IL1RAPL1: variants seen among roughly 807,000 people sequenced by gnomAD.
The protein encoded by IL1RAPL1 is interleukin-1 receptor accessory protein-like 1.
IL1RAPL1 carries 3 observed loss-of-function variants against 48.4 expected under a neutral mutation model. That is an observed-to-expected ratio of 0.06 (90% CI 0.03 to 0.16). The LOEUF is 0.16. Among genes scored for constraint, IL1RAPL1 ranks in the 10% least tolerant of loss-of-function variants. IL1RAPL1 has a pLI of 1.00. For synonymous variants in IL1RAPL1, 185 were observed against 187.7 expected, an observed-to-expected ratio of 0.99 and a Z score of 0.12; for missense variants, 349 against 530.6, an observed-to-expected ratio of 0.66 and a Z score of 3.36.
At chrX:29,402,704 G>A (rs900841322) in intron 5 of IL1RAPL1, among the ~76,000 whole-genome samples, 17 of 111,184 alleles carry the variant, frequency 1.5e-4, no homozygotes, top group African/African-American at 5.6e-4. Flanking sequence ...CCTTGTTTCT[G>A]TTCCAGGATC....
chrX:28,614,988 A>ATG (rs1934195432), intron 1 of IL1RAPL1, among the ~76,000 whole-genome samples: 1 of 109,768 alleles, frequency 9.1e-6, no homozygotes, highest in Non-Finnish European at 1.9e-5. Flanking sequence ...TCCCGGCTTC[A>ATG]CTCCATTCTT....
At chrX:28,938,731 T>A (rs766165844) in intron 2 of IL1RAPL1, among the ~76,000 whole-genome samples, 18 of 110,675 alleles carry the variant, frequency 1.6e-4, no homozygotes, top group Non-Finnish European at 2.8e-4. Flanking sequence ...ATCAACAGAG[T>A]AAACAGACAG....
chrX:29,814,864 G>A (rs1930459870), intron 6 of IL1RAPL1, among the ~76,000 whole-genome samples: 1 of 110,859 alleles, frequency 9.0e-6, no homozygotes. Flanking sequence ...TAATTTTGTC[G>A]ACTTTGTTGA....
At chrX:29,475,419 T>C (rs1194367574) in intron 5 of IL1RAPL1, among the ~76,000 whole-genome samples, 3 of 112,081 alleles carry the variant, frequency 2.7e-5, no homozygotes, top group Non-Finnish European at 5.6e-5. Context: ...AATGAAAATT[T>C]CACCTCTGCA....
intron 6 of IL1RAPL1, among the ~76,000 whole-genome samples, chrX:29,729,577 A>T (rs997955582): frequency 6.2e-5 from 7 of 112,120 alleles, no homozygotes; most frequent in African/African-American, 2.3e-4. Context: ...TGTGAGGAAG[A>T]GAACTGGGGA....
At chrX:29,877,876 G>T (rs956577093) in intron 6 of IL1RAPL1, among the ~76,000 whole-genome samples, 1 of 111,914 alleles carries the variant, frequency 8.9e-6, no homozygotes, top group African/African-American at 3.2e-5. Context: ...GAAAAAATGT[G>T]TGTCTAGTGC....
intron 2 of IL1RAPL1, among the ~76,000 whole-genome samples, chrX:28,893,821 G>A (rs931792209): frequency 8.9e-6 from 1 of 111,858 alleles, no homozygotes; most frequent in Admixed American, 9.5e-5. Context: ...CTATGAGGCT[G>A]GAAGGAGATA....
chrX:29,570,707 A>G lies in IL1RAPL1; in HGVS notation c.704-97723A>G, dbSNP rs369611543. Among the ~76,000 whole-genome samples, 3 of 112,048 alleles carry G rather than the reference A, an allele frequency of 2.7e-5. No homozygotes were observed. In the East Asian group the frequency reaches 8.5e-4, roughly 32 times the overall value. ...AAGGCATAGATGCATATCACAGAGT[A>G]CCAGGAGGGGATTCCATTCCTATTC... is the stretch of plus-strand genomic sequence containing the variant. On this transcript the variant is annotated intron_variant, in intron 5 of 10. Transcript: ENST00000378993.
At chrX:29,135,402 A>G (rs1929104314) in intron 2 of IL1RAPL1, among the ~76,000 whole-genome samples, 1 of 111,930 alleles carries the variant, frequency 8.9e-6, no homozygotes, top group African/African-American at 3.2e-5. Flanking sequence ...TTTGTTTTGT[A>G]TTAATGCCAG....
Position 29,230,504 on chromosome X carries a change from C to CAAAAAAA in IL1RAPL1, c.83-52409_83-52403dup, listed in dbSNP as rs60539139. Among the ~76,000 whole-genome samples the CAAAAAAA allele has an allele frequency of 7.7e-3, 127 of 16,587 alleles. 17 individuals are homozygous for CAAAAAAA. The highest frequency in any genetic ancestry group is 0.027 in the African/African-American group (95 of 3,480). 14.4% of individuals were successfully genotyped at this position (16,587 alleles called of 115,157 possible). On this transcript the variant is annotated intron_variant, in intron 2 of 10. Coordinates refer to ENST00000378993, the MANE Select transcript of IL1RAPL1 (RefSeq NM_014271.4). ...TGCTCTATCATTATGGTCCCTTTAC[C>CAAAAAAA]AAAAAAAAAAAAAAAAAAAAAAAAA...
intron 3 of IL1RAPL1, among the ~76,000 whole-genome samples, chrX:29,365,130 G>A (rs912158948): frequency 2.5e-4 from 28 of 111,796 alleles, no homozygotes; most frequent in Admixed American, 1.9e-3. Flanking sequence ...GAAATGTGAT[G>A]TAGTAAAGGA....
intron 5 of IL1RAPL1, among the ~76,000 whole-genome samples, chrX:29,422,832 G>C (rs2206336): frequency 9.1e-6 from 1 of 109,935 alleles, no homozygotes; most frequent in Non-Finnish European, 1.9e-5. Context: ...AAAAATAAAA[G>C]TCTAAGCCCC....
chrX:29,631,460 T>A (rs1924773245), intron 5 of IL1RAPL1, among the ~76,000 whole-genome samples: 1 of 111,586 alleles, frequency 9.0e-6, no homozygotes, highest in Non-Finnish European at 1.9e-5. Context: ...TTGTAATTTT[T>A]TGTAGACACA....
chrX:29,006,361 A>G (rs1245433681), intron 2 of IL1RAPL1, among the ~76,000 whole-genome samples: 1 of 109,864 alleles, frequency 9.1e-6, no homozygotes, highest in African/African-American at 3.3e-5. Context: ...TAAACATACA[A>G]AAATTAGCCG....
chrX:29,643,131 C>G (rs4829253), intron 5 of IL1RAPL1, among the ~76,000 whole-genome samples: 15,155 of 111,682 alleles, frequency 0.14, 819 homozygotes, highest in Middle Eastern at 0.24. Flanking sequence ...CTGATGCTAG[C>G]TATGTACGCT....
chrX:28,864,726 G>A (rs918998477), intron 2 of IL1RAPL1, among the ~76,000 whole-genome samples: 3 of 111,487 alleles, frequency 2.7e-5, no homozygotes, highest in African/African-American at 9.8e-5. Context: ...TGGGCATGAA[G>A]GAAAGTGATC....
chrX:29,333,015 A>C (rs1220117923), intron 3 of IL1RAPL1, among the ~76,000 whole-genome samples: 1 of 112,110 alleles, frequency 8.9e-6, no homozygotes, highest in Non-Finnish European at 1.9e-5. Flanking sequence ...TTCTTAGTAC[A>C]GAACAAAATG....
intron 6 of IL1RAPL1, among the ~76,000 whole-genome samples, chrX:29,809,352 C>T (rs1281449440): frequency 9.1e-6 from 1 of 109,327 alleles, no homozygotes; most frequent in African/African-American, 3.3e-5. Flanking sequence ...ATGATCCGCC[C>T]TCAGCCTCCC....
chrX:29,694,453 C>T (rs1436762673), intron 6 of IL1RAPL1, among the ~76,000 whole-genome samples: 2 of 111,350 alleles, frequency 1.8e-5, no homozygotes, highest in Admixed American at 9.6e-5. Context: ...GATGTTTTTG[C>T]GTATATGTAT....
Sources: allele counts gnomAD v4.1 joint callset (sites outside exome capture counted in the v4.1 genomes callset), GRCh38; gene constraint gnomAD v4.1.1; transcripts MANE v1.5; gene names NCBI Gene and HGNC (gene_info 2026-07-23, HGNC 2026-07-21).